Variants in RIMS2 observed in about 807,000 individuals in gnomAD.
The protein encoded by RIMS2 is regulating synaptic membrane exocytosis protein 2.
In RIMS2, 59 loss-of-function variants were observed where a neutral mutation model predicts 174.4. The ratio of observed to expected loss-of-function variants is 0.34; its 90% CI spans 0.27 to 0.42. The LOEUF (loss-of-function observed/expected upper bound fraction) is 0.42, where lower values mean the gene tolerates loss of function less well. Ranked by LOEUF, RIMS2 falls within the 10% of genes least tolerant of loss-of-function variation. RIMS2 has a pLI of 1.00. For synonymous variants in RIMS2, 606 were observed against 572.5 expected (o/e 1.06, Z -0.84); for missense variants, 1,620 against 1,666.3 (o/e 0.97, Z 0.48).
intron 19 of RIMS2, among the ~76,000 whole-genome samples, chr8:104,145,761 G>A (rs552332622): frequency 1.3e-5 from 2 of 151,926 alleles, no homozygotes; most frequent in South Asian, 4.2e-4. Flanking sequence ...TACTTGTGAG[G>A]CTGCGACAGG....
chr8:103,739,358 A>G (rs2139265738), intron 2 of RIMS2, among the ~76,000 whole-genome samples: 1 of 152,310 alleles, frequency 6.6e-6, no homozygotes, highest in Middle Eastern at 3.4e-3. Context: ...GAAGAGGAAC[A>G]TCACACACTG....
intron 19 of RIMS2, among the ~76,000 whole-genome samples, chr8:104,227,632 T>G (rs1318064597): frequency 6.6e-6 from 1 of 152,208 alleles, no homozygotes; most frequent in Non-Finnish European, 1.5e-5. Context: ...GAATCTGGTT[T>G]ATCAGAAGCT....
At chr8:104,066,625 G>A (rs1444833372) in intron 19 of RIMS2, among the ~76,000 whole-genome samples, 1 of 152,026 alleles carries the variant, frequency 6.6e-6, no homozygotes, top group Non-Finnish European at 1.5e-5. Context: ...TAGACTAATA[G>A]GTATTTGTAC....
intron 19 of RIMS2, among the ~76,000 whole-genome samples, chr8:104,060,224 A>G (rs368357372): frequency 0.18 from 26,975 of 149,986 alleles, 2,616 homozygotes; most frequent in South Asian, 0.33. Flanking sequence ...TTGGTAAGCT[A>G]TTGATTATTG....
chr8:104,168,357 T>G (rs1176591911), intron 19 of RIMS2, among the ~76,000 whole-genome samples: 2 of 152,178 alleles, frequency 1.3e-5, no homozygotes, highest in African/African-American at 2.4e-5. Flanking sequence ...TTTTGTAGTT[T>G]TCCTTGTAGA....
At chr8:104,109,296 CA>C (rs1170353786) in intron 19 of RIMS2, among the ~76,000 whole-genome samples, 1,489 of 50,226 alleles carry the variant, frequency 0.03, 4 homozygotes, top group Middle Eastern at 0.14. Flanking sequence ...GACTCTGTCT[CA>C]AAAAAAAAAA....
chr8:103,751,451 G>A (rs1473478425), intron 2 of RIMS2, among the ~76,000 whole-genome samples: 3 of 151,554 alleles, frequency 2.0e-5, no homozygotes, highest in African/African-American at 4.9e-5. Context: ...TAATCCTTTG[G>A]GTATATACCC....
intron 16 of RIMS2, 30 bp downstream of exon 18, chr8:103,975,536 G>A (rs1457460905): frequency 1.3e-6 from 2 of 1,574,210 alleles, no homozygotes; most frequent in Non-Finnish European, 1.7e-6. Flanking sequence ...TTATTTGTAG[G>A]GTGGCTGTAT....
At chr8:103,772,578 T>A (rs1187921715) in intron 3 of RIMS2, among the ~76,000 whole-genome samples, 2 of 152,282 alleles carry the variant, frequency 1.3e-5, no homozygotes, top group South Asian at 4.1e-4. Context: ...ATTGTTAAGA[T>A]GTCTTTCTCC....
At chr8:104,215,133 C>CA (rs1362648191) in intron 19 of RIMS2, among the ~76,000 whole-genome samples, 9 of 151,980 alleles carry the variant, frequency 5.9e-5, no homozygotes, top group Non-Finnish European at 1.0e-4. Context: ...GACAGTTAAG[C>CA]AAAAAATCTA....
chr8:104,130,649 CA>C (rs2098467013), intron 19 of RIMS2, among the ~76,000 whole-genome samples: 1 of 152,026 alleles, frequency 6.6e-6, no homozygotes, highest in Admixed American at 6.6e-5. Flanking sequence ...AGCAAATTGG[CA>C]AAAGTGTTAT....
intron 4 of RIMS2, among the ~76,000 whole-genome samples, chr8:103,903,031 GA>G (rs752518932): frequency 9.2e-5 from 14 of 152,026 alleles, no homozygotes; most frequent in Non-Finnish European, 1.8e-4. Flanking sequence ...AAACATAAAA[GA>G]GTCATAGTTA....
At chr8:103,690,533 G>T (rs2097008820) in intron 1 of RIMS2, among the ~76,000 whole-genome samples, 1 of 152,218 alleles carries the variant, frequency 6.6e-6, no homozygotes, top group African/African-American at 2.4e-5. Flanking sequence ...TTAAACTGAT[G>T]ACAACTTAAC....
intron 3 of RIMS2, among the ~76,000 whole-genome samples, chr8:103,836,288 T>C (rs963561798): frequency 5.9e-5 from 9 of 152,216 alleles, no homozygotes; most frequent in Admixed American, 3.3e-4. Context: ...CTGGGCATGG[T>C]GTTTGTAACC....
At chr8:104,158,226 C>G (rs1242198886) in intron 19 of RIMS2, among the ~76,000 whole-genome samples, 1 of 152,182 alleles carries the variant, frequency 6.6e-6, no homozygotes, top group African/African-American at 2.4e-5. Context: ...AGGACATGAA[C>G]TCGTCCTTTT....
At chr8:103,502,361 G>C (rs1203447473) in intron 1 of RIMS2, among the ~76,000 whole-genome samples, 1 of 152,108 alleles carries the variant, frequency 6.6e-6, no homozygotes, top group Admixed American at 6.5e-5. Context: ...ATAATTTATA[G>C]TAGCAAACAT....
chr8:103,636,264 GTCTCTTTCC>G (rs1401707954), intron 1 of RIMS2, among the ~76,000 whole-genome samples: 1 of 152,180 alleles, frequency 6.6e-6, no homozygotes, highest in Admixed American at 6.5e-5. Flanking sequence ...CCTGGAGTCA[GTCTCTTTCC>G]TAGGGGTGTG....
chr8:103,876,864 TTATATATATATATATATATA>T (rs199997824), intron 3 of RIMS2, among the ~76,000 whole-genome samples: 2,376 of 68,176 alleles, frequency 0.035, 155 homozygotes, highest in Non-Finnish European at 0.055. Flanking sequence ...ACACACTATT[TTATATATATATATATATATA>T]TATATATATA....
intron 19 of RIMS2, among the ~76,000 whole-genome samples, chr8:104,215,288 T>C (rs1211758511): frequency 6.6e-6 from 1 of 152,190 alleles, no homozygotes; most frequent in African/African-American, 2.4e-5. Flanking sequence ...TTGTAATGAA[T>C]ACATGAAGCT....
Sources: allele counts gnomAD v4.1 joint callset (sites outside exome capture counted in the v4.1 genomes callset), GRCh38; gene constraint gnomAD v4.1.1; transcripts MANE v1.5; gene names NCBI Gene and HGNC (gene_info 2026-07-23, HGNC 2026-07-21).